ADAMTS14: variants seen among roughly 807,000 people sequenced by gnomAD.
ADAMTS14 encodes the protein ADAM metallopeptidase with thrombospondin type 1 motif 14.
In ADAMTS14, 100 loss-of-function variants were observed where a neutral mutation model predicts 128.6. That is an observed-to-expected ratio of 0.78 (90% CI 0.66 to 0.92). ADAMTS14 has a LOEUF of 0.92. Ranked by LOEUF, ADAMTS14 falls within the 40% of genes least tolerant of loss-of-function variation. ADAMTS14 has a pLI of 0.00. For synonymous variants in ADAMTS14, 665 were observed against 653.8 expected, an observed-to-expected ratio of 1.02 and a Z score of -0.26; for missense variants, 1,562 against 1,658.6, an observed-to-expected ratio of 0.94 and a Z score of 1.01.
At chr10:70,734,469 C>T (rs907379700) in intron 8 of ADAMTS14, among the ~76,000 whole-genome samples, 1 of 152,128 alleles carries the variant, frequency 6.6e-6, no homozygotes, top group African/African-American at 2.4e-5. Context: ...TGCCCGGGAT[C>T]GACTTCTCAA....
intron 2 of ADAMTS14, among the ~76,000 whole-genome samples, chr10:70,697,430 G>T (rs1221967866): frequency 6.6e-6 from 1 of 152,208 alleles, no homozygotes; most frequent in Admixed American, 6.5e-5. Context: ...GCCCATGTCT[G>T]ACATGTCTCC....
chr10:70,761,104 C>G lies in ADAMTS14; in HGVS notation c.*251C>G. 2.1e-6 allele frequency: 1 copy of G among 480,598 alleles called. No individual in the cohort carries two copies. The highest frequency in any genetic ancestry group is 3.6e-6 in the Non-Finnish European group (1 of 281,314). 29.8% of individuals were successfully genotyped at this position (480,598 alleles called of 1,614,324 possible). On this transcript the variant is annotated 3_prime_UTR_variant, in exon 22 of 22. Transcript: ENST00000373207. ...CGGCGGGACTGACCCTCTCAGGGCC[C>G]CTGTTGGTCTCCCCTGCCAAGACCA...
chr10:70,672,793 G>C lies in ADAMTS14; in HGVS notation c.-10G>C. On this transcript the variant is annotated 5_prime_UTR_variant, in exon 1 of 22. Coordinates refer to ENST00000373207, the MANE Select transcript of ADAMTS14 (RefSeq NM_080722.4). ...GGGCGCTTGCCCAGCCCGCGTCCCA[G>C]CGCGGCCACATGGCTCCACTCCGCG... The C allele has an allele frequency of 1.3e-6, 2 of 1,501,324 alleles. No homozygotes were observed. Among genetic ancestry groups the C allele is most frequent in the South Asian group, 2.5e-5 (2 of 79,706 alleles). The allele number at this position is 1,501,324 out of a possible 1,614,324, so 93.0% of individuals were successfully genotyped here.
intron 2 of ADAMTS14, among the ~76,000 whole-genome samples, chr10:70,676,838 A>G (rs1480334143): frequency 6.6e-6 from 1 of 152,192 alleles, no homozygotes; most frequent in African/African-American, 2.4e-5. Flanking sequence ...AGGTAGAGAG[A>G]AAGTGCTGGT....
At position 70,741,542 on chromosome 10, in the gene ADAMTS14, A is replaced by G. The variant is rs193081320; in HGVS notation, c.1924+380A>G. 5.1e-3 allele frequency among the ~76,000 whole-genome samples: 773 copies of G among 152,304 alleles called. 7 individuals carry two copies. Among genetic ancestry groups the G allele is most frequent in the African/African-American group, 0.017 (709 of 41,574 alleles). On this transcript the variant is annotated intron_variant, in intron 12 of 21. Transcript: ENST00000373207. ...CCCTACCTGCAGGGAGAAGAATTAT[A>G]TAGGTGCAGGCGCCCTTCCCGTTGC...
chr10:70,680,513 T>C (rs1055668035), intron 2 of ADAMTS14, among the ~76,000 whole-genome samples: 89 of 152,298 alleles, frequency 5.8e-4, no homozygotes, highest in African/African-American at 1.3e-3. Flanking sequence ...ATAGTCTAGT[T>C]TGGGGGAAAG....
chr10:70,695,275 G>A (rs984676467), intron 2 of ADAMTS14, among the ~76,000 whole-genome samples: 2 of 152,108 alleles, frequency 1.3e-5, no homozygotes, highest in Non-Finnish European at 2.9e-5. Flanking sequence ...GAGAGGAGAG[G>A]CCGGTCTCTC....
intron 11 of ADAMTS14, among the ~76,000 whole-genome samples, chr10:70,740,343 G>A (rs923854440): frequency 1.3e-5 from 2 of 152,204 alleles, no homozygotes; most frequent in Non-Finnish European, 2.9e-5. Flanking sequence ...ACTTAATGAA[G>A]AAGAGAGCAT....
At chr10:70,723,752 A>G (rs1841344171) in intron 4 of ADAMTS14, among the ~76,000 whole-genome samples, 1 of 152,136 alleles carries the variant, frequency 6.6e-6, no homozygotes, top group Non-Finnish European at 1.5e-5. Context: ...CCTGGCTACC[A>G]AGCAGTGAGT....
At chr10:70,752,848 AC>A (rs1434731913) in intron 18 of ADAMTS14, among the ~76,000 whole-genome samples, 2 of 152,000 alleles carry the variant, frequency 1.3e-5, no homozygotes, top group African/African-American at 2.4e-5. Flanking sequence ...AAGGGTGGGA[AC>A]CGGTGGCCAG....
At chr10:70,739,451 C>T (rs925612567) in intron 11 of ADAMTS14, among the ~76,000 whole-genome samples, 1 of 152,160 alleles carries the variant, frequency 6.6e-6, no homozygotes, top group South Asian at 2.1e-4. Flanking sequence ...CTTCCCCACC[C>T]CTGAGTTTTA....
chr10:70,756,509 A>G (rs1842482421), intron 19 of ADAMTS14, among the ~76,000 whole-genome samples: 1 of 152,222 alleles, frequency 6.6e-6, no homozygotes, highest in South Asian at 2.1e-4. Context: ...AACTTTTATT[A>G]AGTAAGAATT....
chr10:70,702,524 C>G, intron 3 of ADAMTS14, 56 bp downstream of exon 3: 1 of 1,544,336 alleles, frequency 6.5e-7, no homozygotes, highest in Non-Finnish European at 8.7e-7. Flanking sequence ...TGGAGTGTTT[C>G]CCGGTCACTT....
chr10:70,760,697 CCCTGGAGCAT>C lies in ADAMTS14; in HGVS notation c.3528_3537del (p.Trp1177ProfsTer30), dbSNP rs766615806. On this transcript the variant is annotated frameshift_variant, in exon 22 of 22. Transcript: ENST00000373207. ...ATCCCTTTGCCCCTGAGACACCAAT[CCCTGGAGCAT>C]CCTGGAGCATCTCCCCTACCACCCC... 3.7e-6 allele frequency: 6 copies of C among 1,614,138 alleles called. No homozygotes were observed. The highest frequency in any genetic ancestry group is 2.2e-5 in the South Asian group (2 of 91,078).
intron 6 of ADAMTS14, among the ~76,000 whole-genome samples, chr10:70,731,272 C>T (rs997443357): frequency 1.3e-5 from 2 of 152,152 alleles, no homozygotes; most frequent in Non-Finnish European, 2.9e-5. Flanking sequence ...CACAGGCACT[C>T]ACATAGACAC....
rs1438720264 is a variant in ADAMTS14, at chr10:70,757,969, C to T, written c.2945C>T (p.Ala982Val). The change falls in exon 20 of 22, where the codon GCC (alanine) becomes GTC (valine). Residue 982 changes from alanine (A) to valine (V), a missense_variant. Transcript: ENST00000373207. Reference protein sequence around the residue: ...WRLGAWSQCSATCGEGIQQRQ... With the variant: ...WRLGAWSQCSVTCGEGIQQRQ... Reference sequence around the variant, plus strand: ...CTGACCCACCCACGGCAGTGCTCTGCCACCTGTGGAGAGGGCATCCAGCAG... The same window carrying T: ...CTGACCCACCCACGGCAGTGCTCTGTCACCTGTGGAGAGGGCATCCAGCAG... 6.2e-7 allele frequency: 1 copy of T among 1,610,016 alleles called. No individual in the cohort carries two copies. Among genetic ancestry groups the T allele is most frequent in the Admixed American group, 1.7e-5 (1 of 59,802 alleles).
Position 70,674,856 on chromosome 10 carries a change from T to C in ADAMTS14, c.383T>C (p.Val128Ala). The C allele has an allele frequency of 6.2e-7, 1 of 1,613,944 alleles. No homozygotes were observed. Among genetic ancestry groups the C allele is most frequent in the Non-Finnish European group, 8.5e-7 (1 of 1,180,040 alleles). ...CGCCTGCGGCCCAATCGGAGGTTGGTAGTGCCAGGATCCTCAGTGGAGTGG... is the reference window on the plus strand; with the variant it reads ...CGCCTGCGGCCCAATCGGAGGTTGGCAGTGCCAGGATCCTCAGTGGAGTGG... ...HLRLRPNRRL[V>A]VPGSSVEWQE... The change falls in exon 2 of 22, where the codon GTA becomes GCA. Residue 128 changes from valine to alanine, a missense_variant. Val to Ala is a moderately conservative substitution (Grantham distance 64). Transcript: ENST00000373207.
chr10:70,721,053 C>T (rs556044002), intron 4 of ADAMTS14, among the ~76,000 whole-genome samples: 1 of 105,260 alleles, frequency 9.5e-6, no homozygotes, highest in Non-Finnish European at 1.7e-5. Context: ...GAGATGGACT[C>T]TTGCTCTGTC....
chr10:70,685,949 T>G (rs546680785), intron 2 of ADAMTS14, among the ~76,000 whole-genome samples: 44 of 152,278 alleles, frequency 2.9e-4, no homozygotes, highest in African/African-American at 1.0e-3. Context: ...GAAAAACAGA[T>G]GTCAATGGCC....
Sources: gnomAD v4.1 joint callset for allele counts (sites outside exome capture counted in the v4.1 genomes callset) on GRCh38, gnomAD v4.1.1 for gene constraint, MANE v1.5 for transcripts, NCBI Gene and HGNC (gene_info 2026-07-23, HGNC 2026-07-21) for gene names.